The following NRK variants were observed in gnomAD, a reference collection of about 807,000 sequenced individuals.
NRK encodes nik-related protein kinase.
A neutral mutation model predicts 125.2 loss-of-function variants in NRK; 67 were observed. The ratio of observed to expected loss-of-function variants is 0.54; its 90% CI spans 0.44 to 0.66. NRK has a LOEUF of 0.66. Ranked by LOEUF, NRK falls within the 30% of genes least tolerant of loss-of-function variation. The pLI is 0.00. For synonymous variants in NRK, 458 were observed against 429.0 expected (o/e 1.07, Z -0.84); for missense variants, 1,224 against 1,192.9 (o/e 1.03, Z -0.38).
chrX:105,908,982 G>A lies in NRK; in HGVS notation c.1341G>A (p.Met447Ile). 1 of 1,209,405 alleles carries A rather than the reference G, an allele frequency of 8.3e-7. No individual in the cohort carries two copies. Among genetic ancestry groups the A allele is most frequent in the South Asian group, 1.8e-5 (1 of 56,912 alleles). ...TACAAGGGGCAGCTCGGGTGTTCAT[G>A]CCACTACAGGCTCAGGTGAAGGCTA... Reference protein sequence around the residue: ...QRLQGAARVFMPLQAQVKAKA... With the variant: ...QRLQGAARVFIPLQAQVKAKA... The change falls in exon 13 of 29, where the codon ATG (methionine) becomes ATA (isoleucine). Residue 447 changes from methionine to isoleucine, a missense_variant. Physicochemically the swap from Met to Ile is conservative, Grantham distance 10. Coordinates refer to ENST00000243300, the MANE Select transcript of NRK (RefSeq NM_198465.4).
chrX:105,937,681 C>A, intron 22 of NRK, 99 bp downstream of exon 22: 1 of 505,570 alleles, frequency 2.0e-6, no homozygotes, highest in Non-Finnish European at 3.1e-6. Context: ...CCTAGAAGAG[C>A]ACTTTAAATA....
intron 8 of NRK, 137 bp downstream of exon 8, chrX:105,898,851 C>A: frequency 2.2e-6 from 1 of 454,176 alleles, no homozygotes. Flanking sequence ...GAAATACAAG[C>A]CTCTATTTCG....
At chrX:105,877,710 G>A (rs1226868199) in intron 2 of NRK, among the ~76,000 whole-genome samples, 5 of 110,786 alleles carry the variant, frequency 4.5e-5, no homozygotes, top group African/African-American at 1.6e-4. Context: ...ACATGGTTCC[G>A]AGACCTGGAG....
intron 16 of NRK, 56 bp from the exon 17 acceptor site, chrX:105,921,908 A>AT: frequency 1.8e-6 from 1 of 567,099 alleles, no homozygotes; most frequent in Non-Finnish European, 3.0e-6. Context: ...CACTATACAT[A>AT]TGAAGGCAAT....
chrX:105,881,177 A>G (rs972086990), intron 3 of NRK, among the ~76,000 whole-genome samples: 3 of 111,605 alleles, frequency 2.7e-5, no homozygotes, highest in African/African-American at 9.7e-5. Flanking sequence ...GTGTGCTTTT[A>G]GTTTTGCCAG....
intron 1 of NRK, among the ~76,000 whole-genome samples, chrX:105,824,916 C>T (rs1271546346): frequency 9.0e-6 from 1 of 111,677 alleles, no homozygotes; most frequent in Non-Finnish European, 1.9e-5. Context: ...CAGATTCTAA[C>T]AATTTCTAAA....
Position 105,915,809 on chromosome X carries a change from T to C in NRK, c.2417+12T>C. On this transcript the variant is annotated intron_variant, in intron 15 of 28. Transcript: ENST00000243300. ...AAGTTCTCTTCAAGGTATGTGTCTT[T>C]GATTTCTATATTAAAATTATTCATA... 5 of 938,552 alleles carry C rather than the reference T, an allele frequency of 5.3e-6. No individual in the cohort carries two copies. Among genetic ancestry groups the C allele is most frequent in the Non-Finnish European group, 7.6e-6 (5 of 654,988 alleles). 77.3% of individuals were successfully genotyped at this position (938,552 alleles called of 1,213,427 possible). A position where few individuals can be genotyped will look rare whatever the true frequency, so the allele number is the denominator to read the frequency against.
intron 1 of NRK, among the ~76,000 whole-genome samples, chrX:105,828,604 A>C (rs1231133622): frequency 4.5e-5 from 5 of 112,101 alleles, no homozygotes; most frequent in Non-Finnish European, 7.5e-5. Context: ...AATAGGAATC[A>C]GCTAACATGT....
chrX:105,897,989 A>G (rs2040107161), intron 7 of NRK, among the ~76,000 whole-genome samples: 1 of 111,924 alleles, frequency 8.9e-6, no homozygotes, highest in Non-Finnish European at 1.9e-5. Context: ...TGAGGATACC[A>G]TACCAAATAT....
chrX:105,851,949 A>G (rs2039477399), intron 2 of NRK, among the ~76,000 whole-genome samples: 1 of 112,060 alleles, frequency 8.9e-6, no homozygotes, highest in African/African-American at 3.2e-5. Flanking sequence ...CATTTAGGCT[A>G]CATAGTATTA....
At chrX:105,896,735 C>T (rs1216443529) in intron 7 of NRK, among the ~76,000 whole-genome samples, 2 of 110,736 alleles carry the variant, frequency 1.8e-5, no homozygotes, top group Non-Finnish European at 3.8e-5. Flanking sequence ...CCCAGCTACT[C>T]GAGAGGCTGA....
intron 2 of NRK, among the ~76,000 whole-genome samples, chrX:105,858,074 C>T (rs939634180): frequency 1.8e-5 from 2 of 111,402 alleles, no homozygotes; most frequent in African/African-American, 6.5e-5. Flanking sequence ...TTTTAGAAAA[C>T]TTTTCAGCAA....
intron 12 of NRK, 125 bp downstream of exon 12, chrX:105,908,428 GT>G (rs1569307959): frequency 2.3e-6 from 1 of 444,193 alleles, no homozygotes; most frequent in Non-Finnish European, 3.7e-6. Context: ...ACAAATCTCT[GT>G]TTTTAAGAGA....
At position 105,896,524 on chromosome X, in the gene NRK, A is replaced by C. The variant is rs747976083; in HGVS notation, c.580+1001A>C. ...TTTTGTGTCTGTCTAAAAGCTATAA[A>C]GCTAGAAACACAATTTTAAAATACA... On this transcript the variant is annotated intron_variant, in intron 7 of 28. Coordinates refer to ENST00000243300, the MANE Select transcript of NRK (RefSeq NM_198465.4). 8.4e-4 allele frequency among the ~76,000 whole-genome samples: 94 copies of C among 111,908 alleles called. 1 individual carries two copies. Among genetic ancestry groups the C allele is most frequent in the African/African-American group, 2.4e-3 (73 of 30,801 alleles).
intron 19 of NRK, among the ~76,000 whole-genome samples, chrX:105,929,705 G>C (rs1175375449): frequency 9.0e-6 from 1 of 111,021 alleles, no homozygotes; most frequent in African/African-American, 3.3e-5. Context: ...ATGTTTTCAT[G>C]ATAGTTGTTA....
In NRK at chrX:105,924,921, A is replaced by G; in HGVS notation, c.3202A>G (p.Thr1068Ala). 2 of 1,210,664 alleles carry G rather than the reference A, an allele frequency of 1.7e-6. No individual in the cohort carries two copies. Among genetic ancestry groups the G allele is most frequent in the Non-Finnish European group, 2.2e-6 (2 of 894,475 alleles). Residue 1068 changes from threonine (T) to alanine (A), a missense_variant, in exon 19 of 29, where the codon ACC (threonine) becomes GCC (alanine). Transcript: ENST00000243300. ...EGDGGKGVVR[T>A]SEESGALGLN... The stretch of plus-strand genomic sequence containing the variant: ...TGATGGAGGTAAGGGAGTCGTTCGA[A>G]CCAGTGAAGAGAGTGGAGCCCTTGG...
intron 2 of NRK, among the ~76,000 whole-genome samples, chrX:105,845,843 A>G (rs1396521851): frequency 1.8e-5 from 2 of 111,633 alleles, no homozygotes; most frequent in South Asian, 3.8e-4. Context: ...AGAGCTTCAT[A>G]GGAATGCGGC....
intron 2 of NRK, among the ~76,000 whole-genome samples, chrX:105,833,366 G>T (rs1410088901): frequency 9.0e-6 from 1 of 111,502 alleles, no homozygotes; most frequent in Non-Finnish European, 1.9e-5. Context: ...CTTATACATA[G>T]ATACCTACAT....
chrX:105,851,782 C>A (rs2039474899), intron 2 of NRK, among the ~76,000 whole-genome samples: 1 of 111,079 alleles, frequency 9.0e-6, no homozygotes, highest in African/African-American at 3.3e-5. Flanking sequence ...GCAAGGTACA[C>A]TTCTGCCAGA....
Sources: allele counts gnomAD v4.1 joint callset (sites outside exome capture counted in the v4.1 genomes callset), GRCh38; gene constraint gnomAD v4.1.1; transcripts MANE v1.5; gene names NCBI Gene and HGNC (gene_info 2026-07-23, HGNC 2026-07-21).